The following VEZT variants were observed in gnomAD, a reference collection of about 807,000 sequenced individuals.
The protein encoded by VEZT is vezatin.
VEZT carries 39 observed loss-of-function variants against 79.9 expected under a neutral mutation model. That is an observed-to-expected ratio of 0.49 (90% CI 0.38 to 0.64). The LOEUF (loss-of-function observed/expected upper bound fraction) is 0.64, where lower values mean the gene tolerates loss of function less well. Ranked by LOEUF, VEZT falls within the 30% of genes least tolerant of loss-of-function variation. VEZT has a pLI of 0.00. For missense variants in VEZT, 837 were observed against 893.1 expected, an observed-to-expected ratio of 0.94 and a Z score of 0.80; for synonymous variants, 325 against 327.6, an observed-to-expected ratio of 0.99 and a Z score of 0.09.
rs991815451 is a variant in VEZT at position 95,252,148 on chromosome 12, A to C, written c.168+77A>C. 8 of 1,462,316 alleles carry C rather than the reference A, an allele frequency of 5.5e-6. No individual in the cohort carries two copies. In the African/African-American group the frequency reaches 8.6e-5, roughly 16 times the overall value. The allele number at this position is 1,462,316 out of a possible 1,614,324, so 90.6% of individuals were successfully genotyped here. On this transcript the variant is annotated intron_variant, in intron 2 of 11. Transcript: ENST00000436874. ...CTGGCTATTCAGATACTTCTTAAGC[A>C]CTTCCATATCCTCCCTCACACTGGT... is the stretch of plus-strand genomic sequence containing the variant.
At chr12:95,228,547 A>C (rs920637666) in intron 1 of VEZT, among the ~76,000 whole-genome samples, 1 of 152,104 alleles carries the variant, frequency 6.6e-6, no homozygotes, top group Non-Finnish European at 1.5e-5. Context: ...TCAGTTTGTC[A>C]AACATAAAGC....
chr12:95,272,967 C>T (rs771500403), intron 6 of VEZT, among the ~76,000 whole-genome samples: 1 of 152,224 alleles, frequency 6.6e-6, no homozygotes, highest in South Asian at 2.1e-4. Flanking sequence ...AGGTTGGTCT[C>T]GAACACCTGG....
rs568212749 is a variant in VEZT, at chr12:95,223,788, G to C, written c.36+5902G>C. On this transcript the variant is annotated intron_variant, in intron 1 of 11. Transcript: ENST00000436874. ...TTCAAAAAACTAGTTGGTTTTGTTTGGTCAGTTCTATTGAATTTGTTTGTG... is the reference window on the plus strand; with the variant it reads ...TTCAAAAAACTAGTTGGTTTTGTTTCGTCAGTTCTATTGAATTTGTTTGTG... Among the ~76,000 whole-genome samples, 25 of 151,990 alleles carry C rather than the reference G, an allele frequency of 1.6e-4. No individual in the cohort carries two copies. The East Asian group carries it at 4.8e-3, about 29-fold the overall frequency.
intron 2 of VEZT, among the ~76,000 whole-genome samples, chr12:95,256,897 A>G (rs1283251361): frequency 3.3e-5 from 5 of 152,186 alleles, no homozygotes; most frequent in Non-Finnish European, 7.3e-5. Context: ...TTCCAAATGT[A>G]TTGAATCAGA....
rs757711534 is a variant in VEZT, at chr12:95,217,810, C to T, written c.-41C>T. 5 of 1,551,972 alleles carry T rather than the reference C, an allele frequency of 3.2e-6. No homozygotes were observed. In the South Asian group the frequency reaches 4.8e-5, roughly 15 times the overall value. On this transcript the variant is annotated 5_prime_UTR_variant, in exon 1 of 12. Transcript: ENST00000436874. ...TCCGTGCCGCCTGTACTCCCGCCTT[C>T]ATTTCCCATCGTGCTGAGGCGGGTG...
At chr12:95,234,466 A>AT (rs1161343679) in intron 1 of VEZT, among the ~76,000 whole-genome samples, 4 of 150,954 alleles carry the variant, frequency 2.6e-5, no homozygotes, top group Non-Finnish European at 4.4e-5. Context: ...ATTTTTTTGT[A>AT]TTTTTTTAGT....
chr12:95,241,675 A>G (rs1873749839), intron 1 of VEZT, among the ~76,000 whole-genome samples: 1 of 152,294 alleles, frequency 6.6e-6, no homozygotes, highest in Non-Finnish European at 1.5e-5. Flanking sequence ...GGAGTTGTGC[A>G]GTGATGATTT....
At chr12:95,236,074 C>A (rs1173824847) in intron 1 of VEZT, among the ~76,000 whole-genome samples, 2 of 152,068 alleles carry the variant, frequency 1.3e-5, no homozygotes, top group Non-Finnish European at 1.5e-5. Context: ...AGGCAGGCGG[C>A]TGGGAGGTGG....
At chr12:95,259,507 C>T (rs1475162360) in intron 3 of VEZT, among the ~76,000 whole-genome samples, 1 of 152,142 alleles carries the variant, frequency 6.6e-6, no homozygotes, top group East Asian at 1.9e-4. Context: ...CTGTTATTAT[C>T]CCACTTTTGC....
chr12:95,246,205 C>T lies in VEZT; in HGVS notation c.37-5735C>T, dbSNP rs552694863. On this transcript the variant is annotated intron_variant, in intron 1 of 11. Transcript: ENST00000436874. ...TGGCGGGATCTCAGCTCACTGCGAC[C>T]TCCACCTCCTGGGTTCAAGGGATTC... is the stretch of plus-strand genomic sequence containing the variant. Among the ~76,000 whole-genome samples the T allele has an allele frequency of 3.9e-5, 6 of 152,192 alleles. No individual in the cohort carries two copies. The South Asian group carries it at 1.0e-3, about 26-fold the overall frequency.
intron 9 of VEZT, among the ~76,000 whole-genome samples, chr12:95,289,089 A>T (rs7136320): frequency 0.37 from 37,549 of 101,350 alleles, 6,445 homozygotes; most frequent in African/African-American, 0.46. Context: ...CTCAAAAAAA[A>T]AAATAAATAA....
intron 1 of VEZT, among the ~76,000 whole-genome samples, chr12:95,249,408 A>G (rs750533040): frequency 2.0e-5 from 3 of 152,214 alleles, no homozygotes; most frequent in Non-Finnish European, 2.9e-5. Context: ...CACTTTGAAA[A>G]TGCAGATTCA....
chr12:95,273,876 A>T (rs919023494), intron 6 of VEZT, among the ~76,000 whole-genome samples: 1 of 152,190 alleles, frequency 6.6e-6, no homozygotes, highest in Non-Finnish European at 1.5e-5. Flanking sequence ...TAGAAATGCA[A>T]AGATGGTTCA....
chr12:95,218,186 G>C (rs571628531), intron 1 of VEZT: 66 of 281,568 alleles, frequency 2.3e-4, no homozygotes, highest in Non-Finnish European at 3.1e-4. Flanking sequence ...ATGTGCGGCG[G>C]GGGGGACTGC....
intron 1 of VEZT, among the ~76,000 whole-genome samples, chr12:95,224,819 G>C (rs559909712): frequency 2.8e-4 from 42 of 152,290 alleles, no homozygotes; most frequent in African/African-American, 9.9e-4. Context: ...GACTTGTTTC[G>C]TGGAAGACAG....
chr12:95,223,029 A>AAT (rs1446075419), intron 1 of VEZT, among the ~76,000 whole-genome samples: 1 of 152,222 alleles, frequency 6.6e-6, no homozygotes, highest in Non-Finnish European at 1.5e-5. Context: ...AAGGCAGTGT[A>AAT]ATATAGTTAA....
At chr12:95,287,371 G>A (rs901124210) in intron 8 of VEZT, among the ~76,000 whole-genome samples, 12 of 151,810 alleles carry the variant, frequency 7.9e-5, no homozygotes, top group African/African-American at 2.9e-4. Flanking sequence ...CCAGGCTGAA[G>A]TGCAGTGGCG....
chr12:95,222,921 T>G (rs2057838129), intron 1 of VEZT, among the ~76,000 whole-genome samples: 1 of 152,240 alleles, frequency 6.6e-6, no homozygotes, highest in Non-Finnish European at 1.5e-5. Context: ...AATTGGCCTT[T>G]CCTGGGGAAA....
chr12:95,239,288 A>T (rs1402863860), intron 1 of VEZT, among the ~76,000 whole-genome samples: 1 of 152,226 alleles, frequency 6.6e-6, no homozygotes, highest in Non-Finnish European at 1.5e-5. Context: ...AAATAAGTTA[A>T]CTTTTCTTGT....
Sources: allele counts gnomAD v4.1 joint callset (sites outside exome capture counted in the v4.1 genomes callset), GRCh38; gene constraint gnomAD v4.1.1; transcripts MANE v1.5; gene names NCBI Gene and HGNC (gene_info 2026-07-23, HGNC 2026-07-21).